DNAJC18: variants seen among roughly 807,000 people sequenced by gnomAD.
The protein encoded by DNAJC18 is DnaJ heat shock protein family (Hsp40) member C18.
In DNAJC18, 40 loss-of-function variants were observed where a neutral mutation model predicts 48.6. That is an observed-to-expected ratio of 0.82 (90% CI 0.64 to 1.07). The LOEUF (loss-of-function observed/expected upper bound fraction) is 1.07, where lower values mean the gene tolerates loss of function less well. Among genes scored for constraint, DNAJC18 ranks in the 50% least tolerant of loss-of-function variants. DNAJC18 has a pLI of 0.00. For missense variants in DNAJC18, 340 were observed against 427.7 expected (o/e 0.79, Z 1.81); for synonymous variants, 135 against 152.2 (o/e 0.89, Z 0.83).
intron 5 of DNAJC18, among the ~76,000 whole-genome samples, chr5:139,423,750 CAA>C (rs58355923): frequency 4.6e-4 from 58 of 127,026 alleles, no homozygotes; most frequent in African/African-American, 1.1e-3. Context: ...TTCCAAAATC[CAA>C]AAAAAAAAAA....
At chr5:139,417,472 C>G (rs1047368224) in intron 7 of DNAJC18, among the ~76,000 whole-genome samples, 2 of 151,980 alleles carry the variant, frequency 1.3e-5, no homozygotes, top group Non-Finnish European at 1.5e-5. Context: ...TCTGCATAGC[C>G]GCTGTACTTA....
intron 7 of DNAJC18, among the ~76,000 whole-genome samples, chr5:139,418,237 C>G (rs1043050609): frequency 2.0e-4 from 31 of 152,116 alleles, no homozygotes; most frequent in Non-Finnish European, 2.9e-5. Context: ...GTGGAGTGAT[C>G]ACAGCTCACT....
At position 139,439,492 on chromosome 5, in the gene DNAJC18, G is replaced by A; in HGVS notation, c.-47C>T. 1 of 1,613,776 alleles carries A rather than the reference G, an allele frequency of 6.2e-7. No individual in the cohort carries two copies. On this transcript the variant is annotated 5_prime_UTR_variant, in exon 1 of 8. Transcript: ENST00000302060. This position sits in a 1 kb window ranked among gnomAD's most constrained non-coding sequence, Gnocchi z 4.1. ...CCGCCGAGCCTCCCCCGTGCCCGAG[G>A]CTGAAAGAGAAGGGGGCGCGGAGCG...
intron 7 of DNAJC18, among the ~76,000 whole-genome samples, chr5:139,417,541 G>T (rs941705642): frequency 8.6e-5 from 13 of 151,654 alleles, no homozygotes; most frequent in Admixed American, 1.3e-4. Context: ...GGAACTTGTG[G>T]GTACACGCAT....
At chr5:139,427,065 C>G (rs1436815636) in intron 3 of DNAJC18, among the ~76,000 whole-genome samples, 2 of 152,172 alleles carry the variant, frequency 1.3e-5, no homozygotes, top group Non-Finnish European at 2.9e-5. Context: ...ATGTTGGAAA[C>G]AGTTCACACA....
chr5:139,413,331 T>G lies in DNAJC18; in HGVS notation c.*817A>C, dbSNP rs1403054664. 6.4e-6 allele frequency: 1 copy of G among 155,282 alleles called. No individual in the cohort carries two copies. The highest frequency in any genetic ancestry group is 1.4e-5 in the Non-Finnish European group (1 of 70,348). 9.6% of individuals were successfully genotyped at this position (155,282 alleles called of 1,614,324 possible). ...GGTCTGACCATCTGCCTCTGTGGGA[T>G]GTAGGAACTCAGCCTAAGTGCGATG... On this transcript the variant is annotated 3_prime_UTR_variant, in exon 8 of 8. Coordinates refer to ENST00000302060, the MANE Select transcript of DNAJC18 (RefSeq NM_152686.4).
Position 139,439,266 on chromosome 5 carries a change from T to G in DNAJC18, c.40+140A>C. 1 of 1,385,872 alleles carries G rather than the reference T, an allele frequency of 7.2e-7. No individual in the cohort carries two copies. The highest frequency in any genetic ancestry group is 1.2e-5 in the South Asian group (1 of 80,766). 85.8% of individuals were successfully genotyped at this position (1,385,872 alleles called of 1,614,324 possible). On this transcript the variant is annotated intron_variant, in intron 1 of 7. Coordinates refer to ENST00000302060, the MANE Select transcript of DNAJC18 (RefSeq NM_152686.4). This position sits in a 1 kb window ranked among gnomAD's most constrained non-coding sequence, Gnocchi z 4.1. ...AGCTTCCCTACCCCATCCGCAACCC[T>G]ACTCAGGCTCAGCATCTTTTCACAG...
At chr5:139,420,834 C>G (rs1759141021) in intron 6 of DNAJC18, among the ~76,000 whole-genome samples, 1 of 151,956 alleles carries the variant, frequency 6.6e-6, no homozygotes, top group African/African-American at 2.4e-5. Context: ...CTGACTAATT[C>G]TAACCATAAG....
At chr5:139,419,808 G>C (rs1358316991) in intron 7 of DNAJC18, among the ~76,000 whole-genome samples, 1 of 152,198 alleles carries the variant, frequency 6.6e-6, no homozygotes, top group Non-Finnish European at 1.5e-5. Context: ...CTCAAAGAGA[G>C]ACAGACATAC....
At chr5:139,428,366 CAGCCT>C (rs2152084291) in intron 3 of DNAJC18, among the ~76,000 whole-genome samples, 167 bp downstream of exon 3, 1 of 152,258 alleles carries the variant, frequency 6.6e-6, no homozygotes, top group East Asian at 1.9e-4. Flanking sequence ...CACTGCACTC[CAGCCT>C]AGGTAAAATC....
intron 2 of DNAJC18, among the ~76,000 whole-genome samples, chr5:139,433,840 A>G (rs1398235538): frequency 6.6e-6 from 1 of 152,136 alleles, no homozygotes; most frequent in Non-Finnish European, 1.5e-5. Context: ...CATTCATATA[A>G]TTTTCTTAAT....
intron 7 of DNAJC18, among the ~76,000 whole-genome samples, chr5:139,419,765 G>A (rs768673598): frequency 2.6e-5 from 4 of 152,186 alleles, no homozygotes; most frequent in Non-Finnish European, 5.9e-5. Flanking sequence ...GTGGGGAGAG[G>A]AGAGGGGGCA....
chr5:139,420,556 T>C (rs1759136982), intron 6 of DNAJC18, among the ~76,000 whole-genome samples: 1 of 147,804 alleles, frequency 6.8e-6, no homozygotes, highest in South Asian at 2.2e-4. Context: ...GGATCTAGTA[T>C]GGTACCTGAC....
At chr5:139,431,202 T>C (rs1422301922) in intron 2 of DNAJC18, among the ~76,000 whole-genome samples, 3 of 152,212 alleles carry the variant, frequency 2.0e-5, no homozygotes, top group Admixed American at 2.0e-4. Context: ...AATAATGCTT[T>C]ATTGAGAAAT....
chr5:139,423,581 G>A (rs867606076), intron 5 of DNAJC18, among the ~76,000 whole-genome samples: 1 of 151,808 alleles, frequency 6.6e-6, no homozygotes, highest in South Asian at 2.1e-4. Context: ...TAGAGACAAG[G>A]TCTTGCCATG....
At chr5:139,430,473 G>T (rs1417388958) in intron 2 of DNAJC18, among the ~76,000 whole-genome samples, 1 of 152,068 alleles carries the variant, frequency 6.6e-6, no homozygotes, top group Non-Finnish European at 1.5e-5. Flanking sequence ...CTTCTGAAAT[G>T]GGCTAATAAT....
At chr5:139,416,510 C>T (rs1759071018) in intron 7 of DNAJC18, among the ~76,000 whole-genome samples, 1 of 152,230 alleles carries the variant, frequency 6.6e-6, no homozygotes, top group African/African-American at 2.4e-5. Context: ...GTCTACAGTG[C>T]AAAGCCAGGT....
Position 139,426,368 on chromosome 5 carries a change from C to T in DNAJC18, c.374-11G>A. 6.2e-7 allele frequency: 1 copy of T among 1,613,226 alleles called. No homozygotes were observed. The highest frequency in any genetic ancestry group is 8.5e-7 in the Non-Finnish European group (1 of 1,179,496). ...ATGCATTTCCTATTGCTGCAACCAA[C>T]AAGAACCAGCACATGAGGACACAGT... is the stretch of plus-strand genomic sequence containing the variant. On this transcript the variant is annotated splice_polypyrimidine_tract_variant and intron_variant, in intron 3 of 7. Transcript: ENST00000302060.
At chr5:139,420,495 G>A (rs1454046854) in intron 6 of DNAJC18, among the ~76,000 whole-genome samples, 3 of 150,100 alleles carry the variant, frequency 2.0e-5, no homozygotes, top group Non-Finnish European at 4.4e-5. Context: ...TGCTCTCTGT[G>A]CTAAAAGTAG....
Sources: allele counts gnomAD v4.1 joint callset (sites outside exome capture counted in the v4.1 genomes callset), GRCh38; gene constraint gnomAD v4.1.1; non-coding constraint Gnocchi (gnomAD v3.1); transcripts MANE v1.5; gene names NCBI Gene and HGNC (gene_info 2026-07-23, HGNC 2026-07-21).